NFIB: variants seen among roughly 807,000 people sequenced by gnomAD.
NFIB encodes nuclear factor I B, also known as nuclear factor 1 B-type.
A neutral mutation model predicts 61.5 loss-of-function variants in NFIB; 11 were observed. The ratio of observed to expected loss-of-function variants is 0.18; its 90% confidence interval spans 0.11 to 0.30. The LOEUF is 0.30. Among genes scored for constraint, NFIB ranks in the 10% least tolerant of loss-of-function variants. The pLI is 1.00. For synonymous variants in NFIB, 260 were observed against 216.5 expected, an observed-to-expected ratio of 1.20 and a Z score of -1.76; for missense variants, 471 against 608.9, an observed-to-expected ratio of 0.77 and a Z score of 2.38.
the NFIB span, among the ~76,000 whole-genome samples, chr9:14,476,483 C>T: frequency 6.6e-6 from 1 of 152,094 alleles, no homozygotes; most frequent in East Asian, 1.9e-4. Context: ...TCATGCTTTC[C>T]ATTAATAAGC....
intron 2 of NFIB, among the ~76,000 whole-genome samples, chr9:14,198,427 T>C (rs547009718): frequency 4.7e-4 from 72 of 152,340 alleles, no homozygotes; most frequent in Middle Eastern, 6.8e-3. Flanking sequence ...TTCAGAAAAG[T>C]GTTTGTTGTC....
the NFIB span, among the ~76,000 whole-genome samples, chr9:14,440,437 G>T: frequency 6.6e-6 from 1 of 152,038 alleles, no homozygotes. Context: ...TTTTAATTTT[G>T]CCTCTTCTGA....
At chr9:14,383,406 A>G (rs1294912162) in intron 1 of NFIB, among the ~76,000 whole-genome samples, 1 of 152,206 alleles carries the variant, frequency 6.6e-6, no homozygotes, top group Non-Finnish European at 1.5e-5. Flanking sequence ...TCTAGAATTA[A>G]TAATTCAAAT....
At chr9:14,217,093 A>C (rs1448013291) in intron 2 of NFIB, among the ~76,000 whole-genome samples, 1 of 152,202 alleles carries the variant, frequency 6.6e-6, no homozygotes, top group Admixed American at 6.5e-5. Context: ...TATGCCCCAA[A>C]ACCTTATTTT....
chr9:14,520,396 G>T, the NFIB span, among the ~76,000 whole-genome samples: 1 of 152,182 alleles, frequency 6.6e-6, no homozygotes, highest in East Asian at 1.9e-4. Flanking sequence ...CACAGACCCA[G>T]CCCGGCAGGC....
intron 2 of NFIB, among the ~76,000 whole-genome samples, chr9:14,217,598 T>G (rs1164008342): frequency 7.2e-6 from 1 of 138,450 alleles, no homozygotes; most frequent in Non-Finnish European, 1.5e-5. Context: ...AAGTGGAGGT[T>G]GCGGTGAGCC....
At chr9:14,338,393 CA>C (rs35741300) in intron 1 of NFIB, among the ~76,000 whole-genome samples, 132,196 of 148,344 alleles carry the variant, frequency 0.89, 60,030 homozygotes, top group Non-Finnish European at 0.97. Context: ...GACTCTGTCT[CA>C]AAAAAAAAAA....
At chr9:14,434,074 G>A in the NFIB span, among the ~76,000 whole-genome samples, 1 of 152,142 alleles carries the variant, frequency 6.6e-6, no homozygotes, top group Non-Finnish European at 1.5e-5. Flanking sequence ...AAAATTTGTG[G>A]AAACACTGCC....
chr9:14,499,034 G>A, the NFIB span, among the ~76,000 whole-genome samples: 1 of 151,764 alleles, frequency 6.6e-6, no homozygotes, highest in African/African-American at 2.4e-5. Flanking sequence ...GCACGTGTGT[G>A]TGTGCACGTG....
chr9:14,302,320 G>C (rs535013581), intron 2 of NFIB, among the ~76,000 whole-genome samples: 1 of 152,276 alleles, frequency 6.6e-6, no homozygotes, highest in African/African-American at 2.4e-5. Flanking sequence ...AATGATATGT[G>C]ACAACCAGGA....
At chr9:14,414,948 A>G in the NFIB span, among the ~76,000 whole-genome samples, 2 of 152,204 alleles carry the variant, frequency 1.3e-5, no homozygotes, top group Non-Finnish European at 2.9e-5. Flanking sequence ...TTGCTGACTA[A>G]TAAACCACCA....
upstream of NFIB, among the ~76,000 whole-genome samples, chr9:14,316,435 T>C (rs2132791298): frequency 6.6e-6 from 1 of 152,268 alleles, no homozygotes; most frequent in East Asian, 1.9e-4. Context: ...CCCTGCGAGT[T>C]AACCCTTTCG....
intron 1 of NFIB, among the ~76,000 whole-genome samples, chr9:14,319,873 T>G (rs908411443): frequency 6.6e-6 from 1 of 152,220 alleles, no homozygotes. Flanking sequence ...ATTTTCAAAT[T>G]AAAATTTAAG....
chr9:14,499,783 C>T, the NFIB span, among the ~76,000 whole-genome samples: 1 of 152,174 alleles, frequency 6.6e-6, no homozygotes, highest in Non-Finnish European at 1.5e-5. Flanking sequence ...CCAGGGGACT[C>T]TGCCATTAGA....
chr9:14,268,568 A>G (rs2057384487), intron 2 of NFIB, among the ~76,000 whole-genome samples: 1 of 152,184 alleles, frequency 6.6e-6, no homozygotes, highest in Non-Finnish European at 1.5e-5. Context: ...AACGGTGCTC[A>G]TCTTTCAAGC....
At chr9:14,278,666 C>T (rs577388893) in intron 2 of NFIB, among the ~76,000 whole-genome samples, 1 of 152,274 alleles carries the variant, frequency 6.6e-6, no homozygotes, top group East Asian at 1.9e-4. Flanking sequence ...AGGGTCATTA[C>T]TAAGGTATAA....
intron 1 of NFIB, among the ~76,000 whole-genome samples, chr9:14,392,533 A>G (rs1478272925): frequency 2.0e-5 from 3 of 152,126 alleles, no homozygotes; most frequent in Admixed American, 6.5e-5. Flanking sequence ...TTTGAGACCG[A>G]CCTGGGCAAC....
the NFIB span, among the ~76,000 whole-genome samples, chr9:14,521,321 C>T: frequency 6.6e-6 from 1 of 152,188 alleles, no homozygotes; most frequent in South Asian, 2.1e-4. Flanking sequence ...TACATCAACT[C>T]CATGTGAAAA....
intron 2 of NFIB, among the ~76,000 whole-genome samples, chr9:14,220,227 T>C (rs2051473131): frequency 6.6e-6 from 1 of 152,212 alleles, no homozygotes; most frequent in African/African-American, 2.4e-5. Flanking sequence ...ATCTCATTAG[T>C]TATTATTGAT....
Sources: gnomAD v4.1 joint callset for allele counts (sites outside exome capture counted in the v4.1 genomes callset) on GRCh38, gnomAD v4.1.1 for gene constraint, MANE v1.5 for transcripts, NCBI Gene and HGNC (gene_info 2026-07-23, HGNC 2026-07-21) for gene names.